The following RTEL1 variants were observed in gnomAD, a reference collection of about 807,000 sequenced individuals.
RTEL1 encodes the protein regulator of telomere length.
A neutral mutation model predicts 162.2 loss-of-function variants in RTEL1; 86 were observed. The ratio of observed to expected loss-of-function variants is 0.53; its 90% CI spans 0.45 to 0.63. The LOEUF (loss-of-function observed/expected upper bound fraction) is 0.63. RTEL1 is among the 30% of genes least tolerant of loss of function. The pLI is 0.00. For synonymous variants in RTEL1, 958 were observed against 717.9 expected (o/e 1.33, Z -5.35); for missense variants, 1,941 against 1,750.2 (o/e 1.11, Z -1.95).
chr20:63,663,640 G>T (rs2090065370), intron 6 of RTEL1, among the ~76,000 whole-genome samples: 1 of 152,238 alleles, frequency 6.6e-6, no homozygotes, highest in African/African-American at 2.4e-5. Context: ...TACAGTTTCT[G>T]TGACCTGAGG....
chr20:63,681,355 C>T, intron 14 of RTEL1: 4 of 985,386 alleles, frequency 4.1e-6, no homozygotes, highest in Non-Finnish European at 3.6e-6. Context: ...TCTCCGGGGC[C>T]TCGGTGGCTT....
At chr20:63,682,090 G>A in intron 14 of RTEL1, 2 of 985,464 alleles carry the variant, frequency 2.0e-6, no homozygotes, top group Non-Finnish European at 2.4e-6. Flanking sequence ...GCTGGCCCGG[G>A]CCTGTCCCTC....
intron 14 of RTEL1, chr20:63,681,168 T>C: frequency 3.0e-6 from 3 of 985,352 alleles, no homozygotes; most frequent in Non-Finnish European, 3.6e-6. Context: ...GAGCCCATGA[T>C]TGGGGGTGCG....
intron 21 of RTEL1, 143 bp from the exon 22 acceptor site, chr20:63,688,912 C>A: frequency 2.6e-6 from 2 of 783,828 alleles, no homozygotes; most frequent in Non-Finnish European, 4.3e-6. Context: ...GGGATCCGTG[C>A]CAGGAAGAAG....
intron 14 of RTEL1, chr20:63,681,143 CA>C: frequency 1.0e-6 from 1 of 985,384 alleles, no homozygotes; most frequent in Non-Finnish European, 1.2e-6. Context: ...AGGTTCCCGG[CA>C]GGGGTGTCCC....
At position 63,689,577 on chromosome 20, in the gene RTEL1, A is replaced by G. The variant is rs766133842; in HGVS notation, c.1954A>G (p.Met652Val). 7 of 1,612,270 alleles carry G rather than the reference A, an allele frequency of 4.3e-6. No individual in the cohort carries two copies. Among genetic ancestry groups the G allele is most frequent in the East Asian group, 2.2e-5 (1 of 44,846 alleles). Residue 652 changes from methionine to valine, a missense_variant, in exon 23 of 35, where the codon ATG becomes GTG. Physicochemically the swap from Met to Val is conservative, Grantham distance 21. Coordinates refer to ENST00000360203, the MANE Select transcript of RTEL1 (RefSeq NM_001283009.2). ...IVTGLPYPPR[M>V]DPRVVLKMQF... Reference sequence around the variant, plus strand: ...CACGGGCCTCCCGTACCCCCCACGCATGGACCCCCGGGTTGTCCTCAAGAT... The same window carrying G: ...CACGGGCCTCCCGTACCCCCCACGCGTGGACCCCCGGGTTGTCCTCAAGAT...
chr20:63,685,669 C>T lies in RTEL1; in HGVS notation c.1266+72C>T, dbSNP rs545304699. The T allele has an allele frequency of 3.3e-5, 52 of 1,588,494 alleles. No homozygotes were observed. In the African/African-American group the frequency reaches 6.6e-4, roughly 20 times the overall value. On this transcript the variant is annotated intron_variant, in intron 15 of 34. Transcript: ENST00000360203. Reference sequence around the variant, plus strand: ...CGGCAGGGCTGGGGGCCTTACAGTCCTATAAGGTGGGGGCCACCTCCAGGA... The same window carrying T: ...CGGCAGGGCTGGGGGCCTTACAGTCTTATAAGGTGGGGGCCACCTCCAGGA...
intron 13 of RTEL1, among the ~76,000 whole-genome samples, chr20:63,680,346 G>T (rs924659986): frequency 6.6e-6 from 1 of 152,218 alleles, no homozygotes; most frequent in African/African-American, 2.4e-5. Flanking sequence ...GCCCAGCGGG[G>T]TCTCTCCTCT....
intron 14 of RTEL1, chr20:63,682,742 G>T (rs905379226): frequency 2.1e-6 from 2 of 943,724 alleles, no homozygotes; most frequent in Non-Finnish European, 2.5e-6. Context: ...AGTGGGGCCA[G>T]TGGCCCCAGG....
chr20:63,677,050 A>G (rs111260007), intron 10 of RTEL1, among the ~76,000 whole-genome samples: 560 of 30,920 alleles, frequency 0.018, 7 homozygotes, highest in African/African-American at 0.15. Flanking sequence ...CTGCACCTTG[A>G]GGTGTTTTCA....
At chr20:63,692,392 G>A (rs542356308) in intron 28 of RTEL1, 1 of 271,808 alleles carries the variant, frequency 3.7e-6, no homozygotes, top group South Asian at 4.4e-5. Context: ...TTTCCGTGTT[G>A]GTCTGGGGTG....
At chr20:63,672,394 C>T (rs2090261862) in intron 8 of RTEL1, among the ~76,000 whole-genome samples, 162 bp from the exon 9 acceptor site, 2 of 152,276 alleles carry the variant, frequency 1.3e-5, no homozygotes, top group South Asian at 4.1e-4. Context: ...TAGGGTGGGG[C>T]GGTGTTGCCA....
intron 10 of RTEL1, among the ~76,000 whole-genome samples, chr20:63,675,645 C>T (rs2090333858): frequency 6.6e-6 from 1 of 152,190 alleles, no homozygotes; most frequent in Non-Finnish European, 1.5e-5. Context: ...TCTTAAAGCG[C>T]CGGGACCACA....
Position 63,689,489 on chromosome 20 carries a change from G to T in RTEL1, c.1879-13G>T, listed in dbSNP as rs1049332287. ...CCCCACGGCCCCAGGCAGCTCCCTG[G>T]TGTGTCCCCTAGGCCAGCGAGGGGC... On this transcript the variant is annotated splice_polypyrimidine_tract_variant and intron_variant, in intron 22 of 34. Transcript: ENST00000360203. The T allele has an allele frequency of 1.3e-6, 2 of 1,570,826 alleles. No homozygotes were observed. Among genetic ancestry groups the T allele is most frequent in the East Asian group, 4.6e-5 (2 of 43,880 alleles).
chr20:63,662,376 T>C, intron 4 of RTEL1, 170 bp from the exon 5 acceptor site: 2 of 1,367,202 alleles, frequency 1.5e-6, no homozygotes, highest in Non-Finnish European at 2.0e-6. Context: ...CTCTGTCCAG[T>C]ACCCCCGCTC....
rs756624959 is a variant in RTEL1 at position 63,662,635 on chromosome 20, C to T, written c.477+8C>T. 1.1e-5 allele frequency: 18 copies of T among 1,613,726 alleles called. No homozygotes were observed. In the South Asian group the frequency reaches 1.3e-4, roughly 12 times the overall value. On this transcript the variant is annotated splice_region_variant and intron_variant, in intron 5 of 34. Transcript: ENST00000360203. ...GAGAGTAACCATCTACAGGTAGGCT[C>T]CTGGGCTCCCGCTCCGGCTCAGTGT... is the stretch of plus-strand genomic sequence containing the variant.
intron 27 of RTEL1, 75 bp from the exon 28 acceptor site, chr20:63,691,667 G>A: frequency 7.5e-7 from 1 of 1,325,410 alleles, no homozygotes; most frequent in Non-Finnish European, 1.1e-6. Context: ...CATCTTCCCT[G>A]TGCGTCCAGG....
chr20:63,664,596 C>T (rs2090087458), intron 6 of RTEL1, among the ~76,000 whole-genome samples: 2 of 152,234 alleles, frequency 1.3e-5, no homozygotes, highest in Admixed American at 6.5e-5. Flanking sequence ...CAGCCCCTGC[C>T]TGTCCCCCTT....
intron 7 of RTEL1, 39 bp from the exon 8 acceptor site, chr20:63,667,430 A>G (rs372545261): frequency 3.9e-6 from 6 of 1,527,026 alleles, no homozygotes; most frequent in Middle Eastern, 1.7e-4. Context: ...CGTCCCCTGC[A>G]TGGGGTGCTC....
Sources: gnomAD v4.1 joint callset for allele counts (sites outside exome capture counted in the v4.1 genomes callset) on GRCh38, gnomAD v4.1.1 for gene constraint, MANE v1.5 for transcripts, NCBI Gene and HGNC (gene_info 2026-07-23, HGNC 2026-07-21) for gene names.